DAB1: variants seen among roughly 807,000 people sequenced by gnomAD.
The protein encoded by DAB1 is disabled homolog 1.
Under a neutral mutation model 64.6 loss-of-function variants are expected in DAB1, and 15 were observed. The observed-to-expected ratio is 0.23, with a 90% CI of 0.16 to 0.36. The LOEUF (loss-of-function observed/expected upper bound fraction) is 0.36, where lower values mean the gene tolerates loss of function less well. Ranked by LOEUF, DAB1 falls within the 10% of genes least tolerant of loss-of-function variation. The pLI is 1.00. For missense variants in DAB1, 596 were observed against 706.7 expected (o/e 0.84, Z 1.78); for synonymous variants, 235 against 251.9 (o/e 0.93, Z 0.64).
chr1:57,126,219 T>G (rs1288981118), intron 4 of DAB1, among the ~76,000 whole-genome samples: 1 of 152,202 alleles, frequency 6.6e-6, no homozygotes, highest in East Asian at 1.9e-4. Flanking sequence ...GTGAAGGTGT[T>G]AAATTCATCT....
intron 2 of DAB1, among the ~76,000 whole-genome samples, chr1:57,238,964 ATT>A (rs1265547016): frequency 6.6e-6 from 1 of 151,396 alleles, no homozygotes. Context: ...GCCCAATAAG[ATT>A]TTTTTTCTGT....
At chr1:57,573,729 A>G (rs1645218074) in intron 7 of DAB1, among the ~76,000 whole-genome samples, 1 of 152,120 alleles carries the variant, frequency 6.6e-6, no homozygotes, top group Non-Finnish European at 1.5e-5. Flanking sequence ...GAAGCTGGAG[A>G]AGTTGCTGGA....
chr1:57,275,290 T>C (rs985936952), intron 2 of DAB1, among the ~76,000 whole-genome samples: 3 of 152,162 alleles, frequency 2.0e-5, no homozygotes, highest in Admixed American at 6.5e-5. Flanking sequence ...TAGCTGACTG[T>C]ATAGGAGAGA....
chr1:57,349,390 G>A (rs567262697), intron 1 of DAB1, among the ~76,000 whole-genome samples: 2 of 152,080 alleles, frequency 1.3e-5, no homozygotes, highest in South Asian at 2.1e-4. Flanking sequence ...TAGCACCCAC[G>A]CTGACTGAGT....
intron 2 of DAB1, among the ~76,000 whole-genome samples, chr1:57,280,440 ATCCCATCC>A (rs1671797099): frequency 6.6e-6 from 1 of 152,162 alleles, no homozygotes; most frequent in African/African-American, 2.4e-5. Context: ...AAATAATGAA[ATCCCATCC>A]TCTGAGTCAT....
intron 1 of DAB1, among the ~76,000 whole-genome samples, chr1:57,412,565 G>A (rs1684192158): frequency 1.3e-5 from 2 of 152,186 alleles, no homozygotes; most frequent in African/African-American, 4.8e-5. Context: ...TGACTGATAA[G>A]GAAGAGAAAT....
chr1:58,236,168 G>A (rs1660028430), intron 4 of DAB1, among the ~76,000 whole-genome samples: 1 of 139,560 alleles, frequency 7.2e-6, no homozygotes, highest in Non-Finnish European at 1.5e-5. Flanking sequence ...TGACTAATGA[G>A]CCAAGGCCAA....
intron 3 of DAB1, among the ~76,000 whole-genome samples, chr1:58,384,779 G>C (rs960507224): frequency 6.6e-6 from 1 of 152,200 alleles, no homozygotes; most frequent in African/African-American, 2.4e-5. Flanking sequence ...GAATAACTTC[G>C]AGTCTGATGT....
chr1:57,583,436 G>A (rs1207504634), intron 7 of DAB1, among the ~76,000 whole-genome samples: 5 of 151,782 alleles, frequency 3.3e-5, no homozygotes, highest in East Asian at 1.9e-4. Context: ...ACACGCGCGC[G>A]CCAATATGCC....
chr1:57,459,729 A>G (rs1326725075), intron 7 of DAB1, among the ~76,000 whole-genome samples: 1 of 152,154 alleles, frequency 6.6e-6, no homozygotes, highest in Non-Finnish European at 1.5e-5. Flanking sequence ...CAAAGATTAA[A>G]CTTAGATCCC....
intron 5 of DAB1, among the ~76,000 whole-genome samples, chr1:58,136,511 G>T (rs1653953219): frequency 6.6e-6 from 1 of 152,168 alleles, no homozygotes; most frequent in African/African-American, 2.4e-5. Context: ...GTCACAGCCA[G>T]CCTCTTGAAA....
rs115535096 is a variant in DAB1 at position 57,658,590 on chromosome 1, T to C, written n.552-8925A>G. Among the ~76,000 whole-genome samples the C allele has an allele frequency of 6.8e-3, 1,025 of 151,010 alleles. 4 individuals carry two copies. The highest frequency in any genetic ancestry group is 0.02 in the African/African-American group (802 of 41,044). On this transcript the variant is annotated intron_variant and non_coding_transcript_variant, in intron 6 of 20. Coordinates refer to the DAB1 transcript ENST00000485760. ...AGTTTCTTATTTTTTTGAGACACAA[T>C]CTTGATCTATCACCCAGGCTGGAGT... is the stretch of plus-strand genomic sequence containing the variant.
intron 3 of DAB1, among the ~76,000 whole-genome samples, chr1:58,440,071 G>A (rs1338165581): frequency 3.9e-5 from 6 of 152,078 alleles, no homozygotes; most frequent in South Asian, 4.1e-4. Context: ...TGGAACCCCC[G>A]CAAGAGACCT....
chr1:58,301,304 G>C (rs1031397738), intron 4 of DAB1, among the ~76,000 whole-genome samples: 1 of 151,926 alleles, frequency 6.6e-6, no homozygotes, highest in Non-Finnish European at 1.5e-5. Flanking sequence ...AACCCACACC[G>C]ACCGTAAAGC....
At chr1:57,672,378 A>T (rs1204886116) in intron 6 of DAB1, among the ~76,000 whole-genome samples, 1 of 152,148 alleles carries the variant, frequency 6.6e-6, no homozygotes, top group Non-Finnish European at 1.5e-5. Context: ...AAGACCAACT[A>T]ATCTAGCTCC....
At chr1:57,932,263 T>C (rs192928199) in intron 5 of DAB1, among the ~76,000 whole-genome samples, 2 of 152,358 alleles carry the variant, frequency 1.3e-5, no homozygotes, top group Non-Finnish European at 2.9e-5. Context: ...ATATTTTCCA[T>C]CTTGGTAAAT....
intron 2 of DAB1, among the ~76,000 whole-genome samples, chr1:57,222,655 C>G (rs150503763): frequency 1.3e-5 from 2 of 152,128 alleles, no homozygotes; most frequent in African/African-American, 4.8e-5. Context: ...GAATCTGGAC[C>G]TGATTCACTA....
intron 7 of DAB1, among the ~76,000 whole-genome samples, chr1:57,638,240 A>C (rs1307657979): frequency 6.6e-6 from 1 of 152,256 alleles, no homozygotes; most frequent in East Asian, 1.9e-4. Context: ...AAAGGGGCTT[A>C]CAAAAACATG....
chr1:57,921,111 A>G (rs1182452653), intron 5 of DAB1, among the ~76,000 whole-genome samples: 2 of 152,206 alleles, frequency 1.3e-5, no homozygotes, highest in East Asian at 1.9e-4. Context: ...ATATTGTTAC[A>G]TTGTTAGGAA....
Sources: allele counts gnomAD v4.1 joint callset (sites outside exome capture counted in the v4.1 genomes callset), GRCh38; gene constraint gnomAD v4.1.1; transcripts MANE v1.5; gene names NCBI Gene and HGNC (gene_info 2026-07-23, HGNC 2026-07-21).